ARHGEF12: variants seen among roughly 807,000 people sequenced by gnomAD.
ARHGEF12 encodes Rho guanine nucleotide exchange factor 12, also known as KMT2A/ARHGEF12 fusion protein.
ARHGEF12 carries 66 observed loss-of-function variants against 211.2 expected under a neutral mutation model. That is an observed-to-expected ratio of 0.31 (90% CI 0.26 to 0.38). The LOEUF (loss-of-function observed/expected upper bound fraction) is 0.38, where lower values mean the gene tolerates loss of function less well. Ranked by LOEUF, ARHGEF12 falls within the 10% of genes least tolerant of loss-of-function variation. The pLI is 1.00. For missense variants in ARHGEF12, 1,429 were observed against 1,869.5 expected (o/e 0.76, Z 4.34); for synonymous variants, 592 against 638.4 (o/e 0.93, Z 1.09).
rs765097129 is a variant in ARHGEF12, at chr11:120,457,748, C to G, written c.2217C>G (p.Pro739=). ...TGACTGAACATGGGACACCAAAGCC[C>G]TTTCGAAAGTAAGTAAATCTTAAGC... ...ERVTEHGTPK[P]FRKFDSVAFG... Residue 739 remains proline, a synonymous_variant, in exon 24 of 41, where the codon CCC becomes CCG. Transcript: ENST00000397843. 6.2e-7 allele frequency: 1 copy of G among 1,608,684 alleles called. No homozygotes were observed. Among genetic ancestry groups the G allele is most frequent in the South Asian group, 1.1e-5 (1 of 90,162 alleles).
chr11:120,378,581 C>T (rs1679426443), intron 1 of ARHGEF12, among the ~76,000 whole-genome samples: 1 of 152,110 alleles, frequency 6.6e-6, no homozygotes, highest in South Asian at 2.1e-4. Context: ...AAAATGTCCT[C>T]TTAATTTTTT....
chr11:120,351,657 G>A (rs1229005760), intron 1 of ARHGEF12, among the ~76,000 whole-genome samples: 1 of 151,218 alleles, frequency 6.6e-6, no homozygotes, highest in Non-Finnish European at 1.5e-5. Flanking sequence ...TTTTAGTAGA[G>A]ACGGGGTTTC....
intron 10 of ARHGEF12, among the ~76,000 whole-genome samples, chr11:120,430,071 T>C (rs577995295): frequency 1.2e-3 from 176 of 152,194 alleles, no homozygotes; most frequent in African/African-American, 4.0e-3. Flanking sequence ...AAGAATTGAG[T>C]GCTTTTGCTT....
chr11:120,379,106 G>A (rs1291666661), intron 1 of ARHGEF12, among the ~76,000 whole-genome samples: 1 of 152,144 alleles, frequency 6.6e-6, no homozygotes, highest in Non-Finnish European at 1.5e-5. Context: ...CATTAATTTA[G>A]TAGTCTTCTT....
rs1947082148 is a variant in ARHGEF12, at chr11:120,477,521, G to A, written c.3527G>A (p.Ser1176Asn). 2 of 1,611,402 alleles carry A rather than the reference G, an allele frequency of 1.2e-6. No homozygotes were observed. Among genetic ancestry groups the A allele is most frequent in the African/African-American group, 2.7e-5 (2 of 74,538 alleles). The change falls in exon 36 of 41, where the codon AGT (serine) becomes AAT (asparagine). Residue 1176 changes from serine (S) to asparagine (N), a missense_variant. By Grantham distance (46) the Ser-to-Asn change is conservative (BLOSUM62 1). Coordinates refer to ENST00000397843, the MANE Select transcript of ARHGEF12 (RefSeq NM_015313.3). ...QHGISVTGLQSPDRDLGLEST... is the reference protein window; with the variant it reads ...QHGISVTGLQNPDRDLGLEST... Reference sequence around the variant, plus strand: ...GGCATTTCAGTCACTGGTTTGCAGAGTCCAGGTACACTCTTCTGAAGAGTT... The same window carrying A: ...GGCATTTCAGTCACTGGTTTGCAGAATCCAGGTACACTCTTCTGAAGAGTT...
At chr11:120,402,512 A>G (rs1338939183) in intron 1 of ARHGEF12, among the ~76,000 whole-genome samples, 1 of 152,210 alleles carries the variant, frequency 6.6e-6, no homozygotes, top group Non-Finnish European at 1.5e-5. Context: ...AATAGGTAAC[A>G]TTCTTTGACT....
intron 40 of ARHGEF12, among the ~76,000 whole-genome samples, chr11:120,484,733 C>T (rs1367958718): frequency 1.3e-5 from 2 of 152,236 alleles, no homozygotes; most frequent in Non-Finnish European, 2.9e-5. Flanking sequence ...CCCCTCTTCT[C>T]TCTCTTTTCA....
chr11:120,460,662 T>G lies in ARHGEF12; in HGVS notation c.2528-10T>G, dbSNP rs1012088084. ...GTGTTACTAACGTTTTTCTATCTTT[T>G]TATCTTTAGTTGGATTGAATGAACA... On this transcript the variant is annotated splice_polypyrimidine_tract_variant and intron_variant, in intron 26 of 40. Coordinates refer to ENST00000397843, the MANE Select transcript of ARHGEF12 (RefSeq NM_015313.3). The G allele has an allele frequency of 1.2e-6, 2 of 1,610,084 alleles. No individual in the cohort carries two copies. The highest frequency in any genetic ancestry group is 2.7e-5 in the African/African-American group (2 of 74,954).
intron 6 of ARHGEF12, among the ~76,000 whole-genome samples, 173 bp from the exon 7 acceptor site, chr11:120,424,185 T>C (rs1228388153): frequency 6.6e-6 from 1 of 152,190 alleles, no homozygotes; most frequent in Middle Eastern, 3.2e-3. Flanking sequence ...TTGCTGAATA[T>C]GCCCTGTAGA....
intron 4 of ARHGEF12, among the ~76,000 whole-genome samples, chr11:120,416,719 C>T (rs796672882): frequency 1.7e-4 from 26 of 152,138 alleles, no homozygotes; most frequent in African/African-American, 6.0e-4. Flanking sequence ...GGCGCGATCT[C>T]GGCTCACTGC....
Position 120,451,582 on chromosome 11 carries a change from T to A in ARHGEF12, c.1914T>A (p.Pro638=), listed in dbSNP as rs939553289. The change falls in exon 22 of 41, where the codon CCT becomes CCA. Residue 638 remains proline (P), a synonymous_variant. Transcript: ENST00000397843. ...TATCCACACCCTCATCTGTGAGTCC[T>A]GAACCTCAGGACTCTGCCAAGTTGC... The part of the protein sequence containing the change: ...KHLSTPSSVS[P]EPQDSAKLRQ... 3 of 1,614,174 alleles carry A rather than the reference T, an allele frequency of 1.9e-6. No individual in the cohort carries two copies. Among genetic ancestry groups the A allele is most frequent in the Non-Finnish European group, 1.7e-6 (2 of 1,180,030 alleles).
chr11:120,418,031 G>A (rs139353198), intron 4 of ARHGEF12, among the ~76,000 whole-genome samples: 2 of 152,096 alleles, frequency 1.3e-5, no homozygotes, highest in Non-Finnish European at 2.9e-5. Flanking sequence ...GAATTTAGGG[G>A]TAACACATTT....
intron 1 of ARHGEF12, among the ~76,000 whole-genome samples, chr11:120,381,769 C>T (rs921733710): frequency 3.3e-5 from 5 of 152,180 alleles, no homozygotes; most frequent in African/African-American, 1.2e-4. Context: ...GCAGATCCTG[C>T]ACCCTAAATG....
chr11:120,481,438 C>G lies in ARHGEF12; in HGVS notation c.4416C>G (p.Pro1472=). The change falls in exon 39 of 41, where the codon CCC becomes CCG. Residue 1472 remains proline (P), a synonymous_variant. Coordinates refer to ENST00000397843, the MANE Select transcript of ARHGEF12 (RefSeq NM_015313.3). ...HSDGAISPFT[P]EFLVQQRWGA... is the part of the protein sequence containing the mutation. ...ATGGGGCAATTTCACCATTCACCCC[C>G]GAATTTCTGGTCCAGCAGCGCTGGG... 6.2e-7 allele frequency: 1 copy of G among 1,614,198 alleles called. No individual in the cohort carries two copies.
At chr11:120,340,585 A>T (rs989447646) in intron 1 of ARHGEF12, among the ~76,000 whole-genome samples, 8 of 152,082 alleles carry the variant, frequency 5.3e-5, no homozygotes, top group Non-Finnish European at 1.0e-4. Flanking sequence ...TTCTGTCAAA[A>T]TTGCTGTATA....
intron 15 of ARHGEF12, among the ~76,000 whole-genome samples, chr11:120,445,155 TA>T (rs544443189): frequency 6.4e-4 from 97 of 152,314 alleles, no homozygotes; most frequent in African/African-American, 2.3e-3. Flanking sequence ...GTATATTCAT[TA>T]AGTGTGTCAC....
At chr11:120,346,375 C>T (rs1257963608) in intron 1 of ARHGEF12, among the ~76,000 whole-genome samples, 1 of 152,188 alleles carries the variant, frequency 6.6e-6, no homozygotes, top group East Asian at 1.9e-4. Flanking sequence ...CTGGGCTGTG[C>T]CATTATTGTG....
chr11:120,489,792 T>A lies in ARHGEF12; in HGVS notation c.*4715T>A, dbSNP rs1448489531. The A allele has an allele frequency of 5.3e-6, 1 of 189,740 alleles. No homozygotes were observed. The highest frequency in any genetic ancestry group is 8.3e-5 in the East Asian group (1 of 11,980). 11.8% of individuals were successfully genotyped at this position (189,740 alleles called of 1,614,324 possible). On this transcript the variant is annotated 3_prime_UTR_variant, in exon 41 of 41. Transcript: ENST00000397843. ...ACCTGTTTGTATGCCTGGCTTTGTTTACAAACATATATCTATATCTATATA... is the reference window on the plus strand; with the variant it reads ...ACCTGTTTGTATGCCTGGCTTTGTTAACAAACATATATCTATATCTATATA...
intron 2 of ARHGEF12, among the ~76,000 whole-genome samples, chr11:120,407,509 C>T (rs1188385314): frequency 2.6e-5 from 4 of 152,154 alleles, no homozygotes; most frequent in South Asian, 2.1e-4. Flanking sequence ...ATAAAAGAGA[C>T]TTTAATGCTG....
Sources: allele counts gnomAD v4.1 joint callset (sites outside exome capture counted in the v4.1 genomes callset), GRCh38; gene constraint gnomAD v4.1.1; transcripts MANE v1.5; gene names NCBI Gene and HGNC (gene_info 2026-07-23, HGNC 2026-07-21).